SMARCA5: variants seen among roughly 807,000 people sequenced by gnomAD.
SMARCA5 encodes SNF2 related chromatin remodeling ATPase 5.
Under a neutral mutation model 140.4 loss-of-function variants are expected in SMARCA5, and 18 were observed. The ratio of observed to expected loss-of-function variants is 0.13; its 90% confidence interval spans 0.09 to 0.19. The LOEUF (loss-of-function observed/expected upper bound fraction) is 0.19. Ranked by LOEUF, SMARCA5 falls within the 10% of genes least tolerant of loss-of-function variation. The pLI is 1.00. For synonymous variants in SMARCA5, 449 were observed against 419.6 expected (o/e 1.07, Z -0.86); for missense variants, 606 against 1,276.8 (o/e 0.47, Z 8.01).
At chr4:143,538,334 C>A (rs1446413932) in intron 11 of SMARCA5, among the ~76,000 whole-genome samples, 1 of 152,004 alleles carries the variant, frequency 6.6e-6, no homozygotes, top group East Asian at 1.9e-4. Context: ...ATTATCTTAC[C>A]CTTTGGGATG....
chr4:143,538,549 T>C, intron 11 of SMARCA5, 41 bp from the exon 12 acceptor site: 1 of 1,580,836 alleles, frequency 6.3e-7, no homozygotes, highest in South Asian at 1.1e-5. Flanking sequence ...ATTTTTCTAC[T>C]TTTGAAGCCA....
rs1737694230 is a variant in SMARCA5 at position 143,553,823 on chromosome 4, A to G, written c.*639A>G. 1 of 152,018 alleles carries G rather than the reference A, an allele frequency of 6.6e-6. No individual in the cohort carries two copies. Among genetic ancestry groups the G allele is most frequent in the South Asian group, 2.1e-4 (1 of 4,830 alleles). 9.4% of individuals were successfully genotyped at this position (152,018 alleles called of 1,614,324 possible). The stretch of plus-strand genomic sequence containing the variant: ...AGAATGGCCTTTTAGTTGTATAGCC[A>G]AAGACATTTAGTATTTTCCGGTTCC... On this transcript the variant is annotated 3_prime_UTR_variant, in exon 24 of 24. Transcript: ENST00000283131.
intron 14 of SMARCA5, among the ~76,000 whole-genome samples, chr4:143,542,168 T>C (rs1318249083): frequency 1.3e-5 from 2 of 152,166 alleles, no homozygotes; most frequent in Admixed American, 1.3e-4. Flanking sequence ...CAAAACACTT[T>C]TTTTAAAGAT....
At position 143,553,548 on chromosome 4, in the gene SMARCA5, G is replaced by C. The variant is rs1578808398; in HGVS notation, c.*364G>C. ...AAAAAGAAAATTGCAAATAACATTTGTCCCTTTCAGTCTTCACCTAGTTGT... is the reference window on the plus strand; with the variant it reads ...AAAAAGAAAATTGCAAATAACATTTCTCCCTTTCAGTCTTCACCTAGTTGT... On this transcript the variant is annotated 3_prime_UTR_variant, in exon 24 of 24. Transcript: ENST00000283131. 5.7e-6 allele frequency: 1 copy of C among 174,400 alleles called. No individual in the cohort carries two copies. The highest frequency in any genetic ancestry group is 1.6e-4 in the East Asian group (1 of 6,442). 10.8% of individuals were successfully genotyped at this position (174,400 alleles called of 1,614,324 possible).
intron 19 of SMARCA5, among the ~76,000 whole-genome samples, chr4:143,546,365 G>T (rs764897999): frequency 9.9e-5 from 15 of 152,064 alleles, no homozygotes; most frequent in Non-Finnish European, 1.6e-4. Context: ...TCTTGGCTTG[G>T]TTATTTTTTA....
rs773733121 is a variant in SMARCA5 at position 143,513,922 on chromosome 4, A to G, written c.-3A>G. 3.2e-6 allele frequency: 5 copies of G among 1,542,216 alleles called. No homozygotes were observed. The highest frequency in any genetic ancestry group is 4.3e-6 in the Non-Finnish European group (5 of 1,150,830). Reference sequence around the variant, plus strand: ...CAGCAGCGGGTGACGCAGACGGAACATCATGTCGTCCGCGGCCGAGCCTCC... The same window carrying G: ...CAGCAGCGGGTGACGCAGACGGAACGTCATGTCGTCCGCGGCCGAGCCTCC... On this transcript the variant is annotated 5_prime_UTR_variant, in exon 1 of 24. Coordinates refer to ENST00000283131, the MANE Select transcript of SMARCA5 (RefSeq NM_003601.4).
Position 143,553,477 on chromosome 4 carries a change from G to T in SMARCA5, c.*293G>T. On this transcript the variant is annotated 3_prime_UTR_variant, in exon 24 of 24. Coordinates refer to ENST00000283131, the MANE Select transcript of SMARCA5 (RefSeq NM_003601.4). Reference sequence around the variant, plus strand: ...CCATTTGTGAAGATTGTGACTTTTTGTTTATTAGCTATAATTTCTACACTT... The same window carrying T: ...CCATTTGTGAAGATTGTGACTTTTTTTTTATTAGCTATAATTTCTACACTT... 1 of 248,500 alleles carries T rather than the reference G, an allele frequency of 4.0e-6. No homozygotes were observed. The highest frequency in any genetic ancestry group is 1.4e-3 in the Middle Eastern group (1 of 728). 15.4% of individuals were successfully genotyped at this position (248,500 alleles called of 1,614,324 possible). A position where few individuals can be genotyped will look rare whatever the true frequency, so the allele number is the denominator to read the frequency against.
chr4:143,557,288 T>C lies in SMARCA5; in HGVS notation c.*4104T>C, dbSNP rs572997651. The stretch of plus-strand genomic sequence containing the variant: ...AGTTAATGTTGGAAACTTTGTAATA[T>C]AAACAATGTAAACACTACATTGACA... On this transcript the variant is annotated 3_prime_UTR_variant, in exon 24 of 24. Coordinates refer to ENST00000283131, the MANE Select transcript of SMARCA5 (RefSeq NM_003601.4). 5.2e-4 allele frequency: 79 copies of C among 152,346 alleles called. No individual in the cohort carries two copies. Among genetic ancestry groups the C allele is most frequent in the Admixed American group, 3.1e-3 (48 of 15,306 alleles). The allele number at this position is 152,346 out of a possible 1,614,324, so 9.4% of individuals were successfully genotyped here. A position where few individuals can be genotyped will look rare whatever the true frequency, so the allele number is the denominator to read the frequency against.
intron 14 of SMARCA5, among the ~76,000 whole-genome samples, chr4:143,542,614 C>T (rs1233681571): frequency 6.6e-6 from 1 of 152,092 alleles, no homozygotes; most frequent in African/African-American, 2.4e-5. Flanking sequence ...GATCTTTTTC[C>T]ACTTACTTAC....
intron 2 of SMARCA5, 143 bp downstream of exon 2, chr4:143,517,572 T>TA (rs1392739756): frequency 1.8e-6 from 1 of 543,782 alleles, no homozygotes; most frequent in Non-Finnish European, 3.2e-6. Flanking sequence ...ATTTATTTCT[T>TA]AGAGTTCTGG....
chr4:143,527,460 T>A (rs1229175968), intron 6 of SMARCA5, among the ~76,000 whole-genome samples: 1 of 152,242 alleles, frequency 6.6e-6, no homozygotes, highest in Non-Finnish European at 1.5e-5. Context: ...ATTAGGAATG[T>A]GTTAATACAT....
intron 20 of SMARCA5, 120 bp from the exon 21 acceptor site, chr4:143,547,265 G>C (rs1236222794): frequency 8.1e-6 from 5 of 613,886 alleles, no homozygotes; most frequent in Admixed American, 3.0e-5. Flanking sequence ...GCTGTGGTGA[G>C]TCTGCTTAGA....
chr4:143,546,128 A>C, intron 19 of SMARCA5, 81 bp downstream of exon 19: 1 of 1,072,556 alleles, frequency 9.3e-7, no homozygotes, highest in Non-Finnish European at 1.3e-6. Context: ...CATAAAAATA[A>C]ATACAAGTTT....
rs914073073 is a variant in SMARCA5 at position 143,539,646 on chromosome 4, C to T, written c.1770+708C>T. Among the ~76,000 whole-genome samples, 6 of 151,782 alleles carry T rather than the reference C, an allele frequency of 4.0e-5. No individual in the cohort carries two copies. The East Asian group carries it at 9.7e-4, about 25-fold the overall frequency. On this transcript the variant is annotated intron_variant, in intron 13 of 23. Transcript: ENST00000283131. ...TTGCCTCCCAGGTTGAAGTGATTCT[C>T]CTGCCTCAGCCTCCCGAGTAGCTGG...
chr4:143,535,059 A>G lies in SMARCA5; in HGVS notation c.1268+95A>G, dbSNP rs1186744568. On this transcript the variant is annotated intron_variant, in intron 10 of 23. Transcript: ENST00000283131. ...CTAATTTGTGTCTTCATGGAATTCC[A>G]ATTTGCTGGATTGAACTCAACCTGA... 10 of 835,974 alleles carry G rather than the reference A, an allele frequency of 1.2e-5. No homozygotes were observed. In the East Asian group the frequency reaches 1.7e-4, roughly 14 times the overall value. 51.8% of individuals were successfully genotyped at this position (835,974 alleles called of 1,614,324 possible). A position where few individuals can be genotyped will look rare whatever the true frequency, so the allele number is the denominator to read the frequency against.
chr4:143,525,602 T>C (rs773820415), intron 5 of SMARCA5, 51 bp downstream of exon 5: 17 of 1,225,780 alleles, frequency 1.4e-5, no homozygotes, highest in Middle Eastern at 1.9e-4. Flanking sequence ...TGAAAATATC[T>C]TATACGTTGA....
chr4:143,538,154 A>G (rs1737353373), intron 11 of SMARCA5, among the ~76,000 whole-genome samples: 1 of 152,156 alleles, frequency 6.6e-6, no homozygotes, highest in African/African-American at 2.4e-5. Flanking sequence ...GTCATTGTAG[A>G]TATATGAGGC....
At chr4:143,545,863 G>T (rs2149824509) in intron 18 of SMARCA5, 62 bp from the exon 19 acceptor site, 1 of 1,429,362 alleles carries the variant, frequency 7.0e-7, no homozygotes. Flanking sequence ...ATGTCAGTTA[G>T]TTGGTTCATC....
At chr4:143,521,158 A>C (rs1736949427) in intron 2 of SMARCA5, among the ~76,000 whole-genome samples, 3 of 152,108 alleles carry the variant, frequency 2.0e-5, no homozygotes, top group Admixed American at 2.0e-4. Context: ...GCTCCTTTCT[A>C]ATCAGTTCTT....
Sources: gnomAD v4.1 joint callset for allele counts (sites outside exome capture counted in the v4.1 genomes callset) on GRCh38, gnomAD v4.1.1 for gene constraint, MANE v1.5 for transcripts, NCBI Gene and HGNC (gene_info 2026-07-23, HGNC 2026-07-21) for gene names.